ZCCHC24: variants seen among roughly 807,000 people sequenced by gnomAD.
ZCCHC24 encodes the protein zinc finger CCHC domain-containing protein 24.
Under a neutral mutation model 26.2 loss-of-function variants are expected in ZCCHC24, and 10 were observed. That is an observed-to-expected ratio of 0.38 (90% CI 0.24 to 0.65). The LOEUF (loss-of-function observed/expected upper bound fraction) is 0.65, where lower values mean the gene tolerates loss of function less well. Ranked by LOEUF, ZCCHC24 falls within the 30% of genes least tolerant of loss-of-function variation. ZCCHC24 has a pLI of 0.54. For missense variants in ZCCHC24, 243 were observed against 329.1 expected, an observed-to-expected ratio of 0.74 and a Z score of 2.03; for synonymous variants, 144 against 147.1, an observed-to-expected ratio of 0.98 and a Z score of 0.15.
At chr10:79,402,084 G>A (rs1856641246) in intron 2 of ZCCHC24, among the ~76,000 whole-genome samples, 1 of 152,196 alleles carries the variant, frequency 6.6e-6, no homozygotes, top group Non-Finnish European at 1.5e-5. Flanking sequence ...CCCAGCCCAG[G>A]ATCCTCTGTG....
intron 2 of ZCCHC24, among the ~76,000 whole-genome samples, chr10:79,413,316 G>C (rs1856816032): frequency 6.6e-6 from 1 of 152,198 alleles, no homozygotes; most frequent in Non-Finnish European, 1.5e-5. Context: ...TGAGTGGCGG[G>C]ACCCCTCCCC....
intron 3 of ZCCHC24, among the ~76,000 whole-genome samples, chr10:79,389,911 T>C (rs925936972): frequency 1.3e-5 from 2 of 152,136 alleles, no homozygotes; most frequent in African/African-American, 4.8e-5. Context: ...CCACTGCGCC[T>C]GGCTGACTGT....
intron 2 of ZCCHC24, 107 bp downstream of exon 2, chr10:79,432,451 G>T (rs1184486465): frequency 2.6e-6 from 3 of 1,173,960 alleles, no homozygotes; most frequent in Non-Finnish European, 3.5e-6. Context: ...GCCACTCATT[G>T]GTGGAAGGGG....
At chr10:79,419,563 G>A (rs1310942305) in intron 2 of ZCCHC24, among the ~76,000 whole-genome samples, 3 of 152,188 alleles carry the variant, frequency 2.0e-5, no homozygotes, top group African/African-American at 7.2e-5. Context: ...ACAAAGGAAA[G>A]CCATGTGAGA....
At chr10:79,393,401 G>T (rs1416823019) in intron 3 of ZCCHC24, among the ~76,000 whole-genome samples, 4 of 152,154 alleles carry the variant, frequency 2.6e-5, no homozygotes, top group Admixed American at 6.5e-5. Flanking sequence ...CCTGCCTGGG[G>T]TGGGACTGTT....
intron 3 of ZCCHC24, 69 bp from the exon 4 acceptor site, chr10:79,386,527 A>G (rs1354776109): frequency 2.4e-6 from 3 of 1,273,852 alleles, no homozygotes; most frequent in Non-Finnish European, 2.2e-6. Context: ...AGAGACAGAC[A>G]GGGAGAGACA....
intron 2 of ZCCHC24, among the ~76,000 whole-genome samples, chr10:79,400,929 C>T (rs772875027): frequency 3.3e-5 from 5 of 152,254 alleles, no homozygotes; most frequent in Non-Finnish European, 7.3e-5. Flanking sequence ...ACTGGTCACT[C>T]CCCTCCAGGT....
chr10:79,421,913 G>A (rs1036736830), intron 2 of ZCCHC24, among the ~76,000 whole-genome samples: 1 of 152,228 alleles, frequency 6.6e-6, no homozygotes, highest in Non-Finnish European at 1.5e-5. Context: ...ACAGGCATGA[G>A]CCACCGCACC....
At chr10:79,386,701 G>A (rs998411593) in intron 3 of ZCCHC24, among the ~76,000 whole-genome samples, 14 of 152,162 alleles carry the variant, frequency 9.2e-5, no homozygotes, top group African/African-American at 1.9e-4. Flanking sequence ...CCACGGTGCC[G>A]GGGCCCTCCT....
chr10:79,388,132 C>T (rs1227860939), intron 3 of ZCCHC24, among the ~76,000 whole-genome samples: 1 of 152,218 alleles, frequency 6.6e-6, no homozygotes, highest in Non-Finnish European at 1.5e-5. Flanking sequence ...GGTCTCCATG[C>T]TCCCATCTGT....
In ZCCHC24 at chr10:79,394,321, C is replaced by T. The variant is rs1462287324; in HGVS notation, c.567G>A (p.Gly189=). ...WMSGNSWANM[G]QECIKCHINV... The stretch of plus-strand genomic sequence containing the variant: ...TGATGTGGCACTTGATGCACTCCTG[C>T]CCCATGTTGGCCCAGGAGTTCCCGC... The change falls in exon 3 of 4, where the codon GGG becomes GGA. Residue 189 remains glycine (G), a synonymous_variant. Transcript: ENST00000372336. 3.7e-6 allele frequency: 6 copies of T among 1,614,098 alleles called. No individual in the cohort carries two copies. Among genetic ancestry groups the T allele is most frequent in the Non-Finnish European group, 5.1e-6 (6 of 1,180,052 alleles).
At chr10:79,444,478 C>G (rs75134713) in intron 1 of ZCCHC24, among the ~76,000 whole-genome samples, 18,982 of 152,056 alleles carry the variant, frequency 0.12, 1,276 homozygotes, top group East Asian at 0.17. Context: ...CTCTCCCCCC[C>G]CCTTTCTAGC....
At chr10:79,413,779 T>TGA (rs35633486) in intron 2 of ZCCHC24, among the ~76,000 whole-genome samples, 3 of 146,660 alleles carry the variant, frequency 2.0e-5, no homozygotes, top group Non-Finnish European at 4.5e-5. Flanking sequence ...TGTGTGTGTG[T>TGA]GAGAGAGAGA....
intron 2 of ZCCHC24, among the ~76,000 whole-genome samples, chr10:79,396,424 T>C (rs193079399): frequency 6.6e-6 from 1 of 152,338 alleles, no homozygotes; most frequent in Non-Finnish European, 1.5e-5. Flanking sequence ...TCCTTGCTGG[T>C]TGAGGTTAAG....
At chr10:79,395,762 T>C (rs1589660704) in intron 2 of ZCCHC24, among the ~76,000 whole-genome samples, 1 of 152,252 alleles carries the variant, frequency 6.6e-6, no homozygotes, top group Non-Finnish European at 1.5e-5. Flanking sequence ...AATATTTTTC[T>C]TGTTGATTTG....
intron 2 of ZCCHC24, among the ~76,000 whole-genome samples, chr10:79,399,797 C>T (rs564950775): frequency 5.3e-5 from 8 of 152,272 alleles, no homozygotes; most frequent in Admixed American, 3.3e-4. Flanking sequence ...CCAGCGGCTT[C>T]GGAAGAGATG....
chr10:79,394,376 T>C lies in ZCCHC24; in HGVS notation c.512A>G (p.Lys171Arg). The change falls in exon 3 of 4, where the codon AAG (lysine) becomes AGG (arginine). Residue 171 changes from lysine to arginine, a missense_variant. Around this residue, in one of 2 missense-constraint regions of ZCCHC24, gnomAD observed 96 missense variants for 178.3 expected, o/e 0.54. Transcript: ENST00000372336. ...QGKKRCFGEY[K>R]CPKCKRKWMS... ...CCATTTTCTCTTGCACTTGGGACAC[T>C]TGTACTCGCCGAAGCAGCGCTTTTT... is the stretch of plus-strand genomic sequence containing the variant. 3 of 1,614,256 alleles carry C rather than the reference T, an allele frequency of 1.9e-6. No individual in the cohort carries two copies. The South Asian group carries it at 3.3e-5, about 18-fold the overall frequency.
chr10:79,438,647 A>T (rs1007144480), intron 1 of ZCCHC24, among the ~76,000 whole-genome samples: 1 of 152,236 alleles, frequency 6.6e-6, no homozygotes, highest in Non-Finnish European at 1.5e-5. Context: ...TGTAAAACAC[A>T]GTTCCCTGGA....
intron 1 of ZCCHC24, among the ~76,000 whole-genome samples, chr10:79,436,494 G>A (rs1857219057): frequency 1.3e-5 from 2 of 152,240 alleles, no homozygotes; most frequent in African/African-American, 4.8e-5. Flanking sequence ...CAGCACTGCG[G>A]TTGGCAGGAG....
Sources: gnomAD v4.1 joint callset for allele counts (sites outside exome capture counted in the v4.1 genomes callset) on GRCh38, gnomAD v4.1.1 for gene constraint, gnomAD v4.1.1 regional missense constraint, MANE v1.5 for transcripts, NCBI Gene and HGNC (gene_info 2026-07-23, HGNC 2026-07-21) for gene names.